Variants in PKP2 observed in about 807,000 individuals in gnomAD.
PKP2 encodes the protein plakophilin-2.
PKP2 carries 73 observed loss-of-function variants against 83.4 expected under a neutral mutation model. The ratio of observed to expected loss-of-function variants is 0.88; its 90% confidence interval spans 0.72 to 1.06. PKP2 has a LOEUF of 1.06. PKP2 is among the 50% of genes least tolerant of loss of function. The pLI is 0.00. For missense variants in PKP2, 966 were observed against 1,065.4 expected, an observed-to-expected ratio of 0.91 and a Z score of 1.30; for synonymous variants, 409 against 430.4, an observed-to-expected ratio of 0.95 and a Z score of 0.62.
chr12:32,792,256 T>G lies in PKP2; in HGVS notation c.*168A>C. 1.5e-6 allele frequency: 1 copy of G among 679,572 alleles called. No homozygotes were observed. The highest frequency in any genetic ancestry group is 2.7e-6 in the Non-Finnish European group (1 of 372,534). 42.1% of individuals were successfully genotyped at this position (679,572 alleles called of 1,614,324 possible). On this transcript the variant is annotated 3_prime_UTR_variant, in exon 13 of 13. Transcript: ENST00000340811. Reference sequence around the variant, plus strand: ...TGGTGGCAAACTTGCAAAGGTCTTCTGGAAGACTCATAAAATTATGTTCTA... The same window carrying G: ...TGGTGGCAAACTTGCAAAGGTCTTCGGGAAGACTCATAAAATTATGTTCTA...
intron 1 of PKP2, among the ~76,000 whole-genome samples, chr12:32,880,737 A>G (rs1956978115): frequency 6.6e-6 from 1 of 152,120 alleles, no homozygotes; most frequent in Non-Finnish European, 1.5e-5. Context: ...GGAGTGGTGG[A>G]AAGCAGTATG....
rs1016592111 is a variant in PKP2 at position 32,790,852 on chromosome 12, A to T, written c.*1572T>A. The T allele has an allele frequency of 6.6e-6, 1 of 152,202 alleles. No individual in the cohort carries two copies. The highest frequency in any genetic ancestry group is 1.5e-5 in the Non-Finnish European group (1 of 68,042). The allele number at this position is 152,202 out of a possible 1,614,324, so 9.4% of individuals were successfully genotyped here. On this transcript the variant is annotated 3_prime_UTR_variant, in exon 13 of 13. Coordinates refer to ENST00000340811, the MANE Select transcript of PKP2 (RefSeq NM_001005242.3). ...TATCTGGAGGAATAAATGCACTCCA[A>T]ATGCTTATCATCAGAACTCTGGAAA...
At chr12:32,895,824 TG>T (rs1269466488) in intron 1 of PKP2, among the ~76,000 whole-genome samples, 1 of 152,168 alleles carries the variant, frequency 6.6e-6, no homozygotes, top group Non-Finnish European at 1.5e-5. Flanking sequence ...CCCGCACTGG[TG>T]GGGGTAGGAA....
At chr12:32,839,616 T>G (rs767308075) in intron 6 of PKP2, among the ~76,000 whole-genome samples, 1 of 152,090 alleles carries the variant, frequency 6.6e-6, no homozygotes, top group African/African-American at 2.4e-5. Context: ...CTGCAATATC[T>G]CAGCCACATG....
intron 9 of PKP2, 89 bp downstream of exon 9, chr12:32,821,267 C>G: frequency 8.4e-7 from 1 of 1,192,282 alleles, no homozygotes; most frequent in Non-Finnish European, 1.2e-6. Flanking sequence ...ACCTTTTTCT[C>G]TTCCCTCACT....
At chr12:32,816,226 T>TC (rs1197317746) in intron 9 of PKP2, among the ~76,000 whole-genome samples, 2 of 152,094 alleles carry the variant, frequency 1.3e-5, no homozygotes, top group Non-Finnish European at 2.9e-5. Flanking sequence ...TTCATCCCTT[T>TC]CCCCCTCCTT....
At chr12:32,895,950 C>T (rs1444675186) in intron 1 of PKP2, among the ~76,000 whole-genome samples, 1 of 152,234 alleles carries the variant, frequency 6.6e-6, no homozygotes, top group African/African-American at 2.4e-5. Flanking sequence ...CTCCCTAGAT[C>T]CACCACTCGC....
chr12:32,816,271 T>C (rs752757065), intron 9 of PKP2, among the ~76,000 whole-genome samples: 50 of 152,256 alleles, frequency 3.3e-4, no homozygotes, highest in Non-Finnish European at 5.7e-4. Context: ...GTGTCTATTG[T>C]TGCCATCTGT....
chr12:32,882,654 TA>T (rs1956996418), intron 1 of PKP2, among the ~76,000 whole-genome samples: 1 of 152,236 alleles, frequency 6.6e-6, no homozygotes, highest in African/African-American at 2.4e-5. Context: ...TAAGCCTTTT[TA>T]AAGCAACTTG....
chr12:32,802,259 G>A (rs1956188116), intron 10 of PKP2, 144 bp downstream of exon 10: 1 of 802,966 alleles, frequency 1.2e-6, no homozygotes. Flanking sequence ...ATATCTGGTG[G>A]CACAAAAGGC....
intron 6 of PKP2, among the ~76,000 whole-genome samples, chr12:32,833,543 T>C (rs543261923): frequency 6.6e-6 from 1 of 152,258 alleles, no homozygotes; most frequent in South Asian, 2.1e-4. Flanking sequence ...TTTCCAAAGG[T>C]ATGGTTTGCT....
At chr12:32,808,996 C>T (rs897466923) in intron 9 of PKP2, among the ~76,000 whole-genome samples, 1 of 152,178 alleles carries the variant, frequency 6.6e-6, no homozygotes, top group African/African-American at 2.4e-5. Context: ...CTCACCCAGT[C>T]AGGAGGAACA....
At position 32,896,711 on chromosome 12, in the gene PKP2, T is replaced by G; in HGVS notation, c.21A>C (p.Pro7=). The G allele has an allele frequency of 6.8e-7, 1 of 1,478,980 alleles. No individual in the cohort carries two copies. The highest frequency in any genetic ancestry group is 1.5e-5 in the African/African-American group (1 of 68,902). 91.6% of individuals were successfully genotyped at this position (1,478,980 alleles called of 1,614,324 possible). The change falls in exon 1 of 13, where the codon CCA becomes CCC. Residue 7 remains proline (P), a synonymous_variant. Coordinates refer to ENST00000340811, the MANE Select transcript of PKP2 (RefSeq NM_001005242.3). Reference sequence around the variant, plus strand: ...CGGTCCGGATGTAGCCGTACTCAGCTGGGGCGCCGGGGGCTGCCATGGGGC... The same window carrying G: ...CGGTCCGGATGTAGCCGTACTCAGCGGGGGCGCCGGGGGCTGCCATGGGGC... MAAPGA[P]AEYGYIRTVL...
At chr12:32,885,667 C>CG (rs1957024337) in intron 1 of PKP2, among the ~76,000 whole-genome samples, 1 of 150,908 alleles carries the variant, frequency 6.6e-6, no homozygotes, top group African/African-American at 2.4e-5. Flanking sequence ...CCGTCCCCCC[C>CG]CCAAAAAAAA....
intron 1 of PKP2, among the ~76,000 whole-genome samples, chr12:32,889,127 G>A (rs1299649274): frequency 6.6e-6 from 1 of 152,140 alleles, no homozygotes; most frequent in Non-Finnish European, 1.5e-5. Flanking sequence ...GGACACAACT[G>A]AACTAAGTTA....
intron 6 of PKP2, among the ~76,000 whole-genome samples, chr12:32,825,680 A>G (rs1308162521): frequency 6.6e-6 from 1 of 152,126 alleles, no homozygotes; most frequent in African/African-American, 2.4e-5. Context: ...AGGCAGGAGG[A>G]CTGCTTGAGC....
chr12:32,839,792 C>A (rs945482213), intron 6 of PKP2, among the ~76,000 whole-genome samples: 4 of 152,076 alleles, frequency 2.6e-5, no homozygotes, highest in African/African-American at 4.8e-5. Flanking sequence ...AGCAGGTGAG[C>A]GATGGATCAA....
At chr12:32,884,233 C>T (rs1464003010) in intron 1 of PKP2, among the ~76,000 whole-genome samples, 4 of 152,176 alleles carry the variant, frequency 2.6e-5, no homozygotes, top group East Asian at 1.9e-4. Flanking sequence ...GTGGGCAGAT[C>T]GCCTGAGGTC....
At chr12:32,796,410 T>C (rs918300959) in intron 10 of PKP2, 112 bp from the exon 11 acceptor site, 1 of 992,464 alleles carries the variant, frequency 1.0e-6, no homozygotes, top group African/African-American at 1.6e-5. Context: ...TGAGACGGAA[T>C]CTTGCTCTGT....
Sources: allele counts gnomAD v4.1 joint callset (sites outside exome capture counted in the v4.1 genomes callset), GRCh38; gene constraint gnomAD v4.1.1; transcripts MANE v1.5; gene names NCBI Gene and HGNC (gene_info 2026-07-23, HGNC 2026-07-21).